Variants in PTPRG observed in about 807,000 individuals in gnomAD.
PTPRG encodes the protein receptor-type tyrosine-protein phosphatase gamma.
Under a neutral mutation model 165.3 loss-of-function variants are expected in PTPRG, and 102 were observed. That is an observed-to-expected ratio of 0.62 (90% CI 0.53 to 0.73). The LOEUF (loss-of-function observed/expected upper bound fraction) is 0.73. Among genes scored for constraint, PTPRG ranks in the 30% least tolerant of loss-of-function variants. PTPRG has a pLI of 0.00. For synonymous variants in PTPRG, 675 were observed against 669.5 expected (o/e 1.01, Z -0.13); for missense variants, 1,866 against 1,861.4 (o/e 1.00, Z -0.05).
chr3:61,726,574 A>T (rs779289067), intron 1 of PTPRG, among the ~76,000 whole-genome samples: 27 of 152,202 alleles, frequency 1.8e-4, no homozygotes, highest in Non-Finnish European at 3.8e-4. Context: ...TTTATAATCC[A>T]TTAAACACTG....
chr3:61,790,134 A>T (rs666403), intron 2 of PTPRG, among the ~76,000 whole-genome samples: 22,245 of 152,070 alleles, frequency 0.15, 1,798 homozygotes, highest in African/African-American at 0.22. Context: ...CGTGTCTGTC[A>T]TGGGCAGTGG....
intron 4 of PTPRG, among the ~76,000 whole-genome samples, chr3:62,023,463 C>T (rs538598329): frequency 6.6e-6 from 1 of 152,210 alleles, no homozygotes; most frequent in South Asian, 2.1e-4. Context: ...GGGATTTCTC[C>T]AGTCATTTTT....
chr3:61,811,948 C>T (rs1006570190), intron 2 of PTPRG, among the ~76,000 whole-genome samples: 2 of 152,154 alleles, frequency 1.3e-5, no homozygotes, highest in African/African-American at 4.8e-5. Context: ...CGCTTTCTCT[C>T]CATTTGTTGT....
chr3:62,157,992 G>A (rs1325470124), intron 7 of PTPRG, among the ~76,000 whole-genome samples: 1 of 152,138 alleles, frequency 6.6e-6, no homozygotes, highest in Admixed American at 6.5e-5. Flanking sequence ...GAATGATGAA[G>A]CCAAAAACTA....
chr3:62,158,634 C>T (rs561333538), intron 7 of PTPRG, among the ~76,000 whole-genome samples: 36 of 152,276 alleles, frequency 2.4e-4, no homozygotes, highest in African/African-American at 8.7e-4. Flanking sequence ...TCCAGTGTTA[C>T]CTGTCAGTGG....
intron 8 of PTPRG, among the ~76,000 whole-genome samples, chr3:62,171,565 C>T (rs181080654): frequency 2.6e-5 from 4 of 152,270 alleles, no homozygotes; most frequent in Admixed American, 2.6e-4. Context: ...CATTTGCAGT[C>T]AGTTATTTCT....
In PTPRG at chr3:62,203,285, G is replaced by GC; in HGVS notation, c.1494dup (p.Ser499LeufsTer52). The GC allele has an allele frequency of 6.2e-7, 1 of 1,613,590 alleles. No individual in the cohort carries two copies. Among genetic ancestry groups the GC allele is most frequent in the Non-Finnish European group, 8.5e-7 (1 of 1,179,974 alleles). Reference sequence around the variant, plus strand: ...TTTGTTTCCATGGCAACTGGGATGGGCCCCTCCTCCAGTGGCAGCCAGGCC... The same window carrying GC: ...TTTGTTTCCATGGCAACTGGGATGGGCCCCCTCCTCCAGTGGCAGCCAGGCC... On this transcript the variant is annotated frameshift_variant, in exon 12 of 30. Transcript: ENST00000474889. LOFTEE classifies it high-confidence loss of function. This position sits in a 1 kb window ranked among gnomAD's most constrained non-coding sequence, Gnocchi z 6.4.
chr3:62,189,482 G>A (rs988874011), intron 8 of PTPRG, among the ~76,000 whole-genome samples: 2 of 152,132 alleles, frequency 1.3e-5, no homozygotes, highest in African/African-American at 4.8e-5. Context: ...GAACCAAGCC[G>A]TGGTCCCCTG....
At chr3:61,629,361 G>A (rs999558816) in intron 1 of PTPRG, among the ~76,000 whole-genome samples, 3 of 151,998 alleles carry the variant, frequency 2.0e-5, no homozygotes, top group African/African-American at 7.2e-5. Flanking sequence ...CACCATGTTG[G>A]CCAGGCTGGT....
intron 1 of PTPRG, among the ~76,000 whole-genome samples, chr3:61,645,515 A>G (rs924683943): frequency 2.0e-5 from 3 of 152,266 alleles, no homozygotes; most frequent in South Asian, 2.1e-4. Context: ...CAACACAGAC[A>G]GAAGAAAAGA....
At chr3:62,063,701 C>T (rs1245796484) in intron 4 of PTPRG, among the ~76,000 whole-genome samples, 1 of 152,108 alleles carries the variant, frequency 6.6e-6, no homozygotes, top group Non-Finnish European at 1.5e-5. Context: ...ACTAGTATCG[C>T]TATGTTGCCC....
At chr3:61,668,895 AG>A in intron 1 of PTPRG, among the ~76,000 whole-genome samples, 1 of 152,320 alleles carries the variant, frequency 6.6e-6, no homozygotes, top group East Asian at 1.9e-4. Flanking sequence ...AATTATGATG[AG>A]CCCCAACATA....
intron 2 of PTPRG, among the ~76,000 whole-genome samples, chr3:61,974,834 G>C (rs765045269): frequency 2.6e-5 from 4 of 152,308 alleles, no homozygotes; most frequent in Non-Finnish European, 5.9e-5. Context: ...CCTTAGCTGA[G>C]AGATCCTGTC....
intron 2 of PTPRG, among the ~76,000 whole-genome samples, chr3:61,966,746 T>C (rs2040281531): frequency 6.6e-6 from 1 of 152,200 alleles, no homozygotes; most frequent in African/African-American, 2.4e-5. Flanking sequence ...GGCTCTAGAA[T>C]TTCTATATAA....
intron 1 of PTPRG, chr3:61,742,403 ATTTTTTTT>A (rs34010935): frequency 1.1e-5 from 8 of 734,642 alleles, no homozygotes; most frequent in East Asian, 2.9e-5. Flanking sequence ...TGGGTCTGGA[ATTTTTTTT>A]TTTTTTTTTT....
In PTPRG at chr3:62,281,556, T is replaced by TTTTTTTTTTTTTGTTTA; in HGVS notation, c.3766-7_3766-6insTTTTTTTTTTTTGTTTA. 1 of 1,495,836 alleles carries TTTTTTTTTTTTTGTTTA rather than the reference T, an allele frequency of 6.7e-7. No homozygotes were observed. The highest frequency in any genetic ancestry group is 8.9e-7 in the Non-Finnish European group (1 of 1,117,712). 92.7% of individuals were successfully genotyped at this position (1,495,836 alleles called of 1,614,324 possible). The stretch of plus-strand genomic sequence containing the variant: ...GCAGAGGCTTTTTTTTTTTTTGGAT[T>TTTTTTTTTTTTTGTTTA]CCAAAGGCAGAAGATGAGTTTGTGT... On this transcript the variant is annotated splice_polypyrimidine_tract_variant and splice_region_variant and intron_variant, in intron 26 of 29. Coordinates refer to ENST00000474889, the MANE Select transcript of PTPRG (RefSeq NM_002841.4).
At chr3:62,098,207 T>C (rs1305827672) in intron 5 of PTPRG, among the ~76,000 whole-genome samples, 3 of 152,132 alleles carry the variant, frequency 2.0e-5, no homozygotes, top group Non-Finnish European at 4.4e-5. Flanking sequence ...TATCCTTGGG[T>C]TCTAGATTTA....
At chr3:61,875,228 A>G (rs896933145) in intron 2 of PTPRG, among the ~76,000 whole-genome samples, 1 of 152,146 alleles carries the variant, frequency 6.6e-6, no homozygotes, top group African/African-American at 2.4e-5. Flanking sequence ...TAGAGGCTTC[A>G]GCCTTCTTTT....
intron 2 of PTPRG, among the ~76,000 whole-genome samples, chr3:61,821,468 C>T (rs1414034313): frequency 6.6e-6 from 1 of 152,058 alleles, no homozygotes; most frequent in Non-Finnish European, 1.5e-5. Flanking sequence ...CGCGCACTGC[C>T]GTCTGCTCTT....
Sources: allele counts gnomAD v4.1 joint callset (sites outside exome capture counted in the v4.1 genomes callset), GRCh38; gene constraint gnomAD v4.1.1; non-coding constraint Gnocchi (gnomAD v3.1); transcripts MANE v1.5; gene names NCBI Gene and HGNC (gene_info 2026-07-23, HGNC 2026-07-21).